Variants in FMN1 observed in about 807,000 individuals in gnomAD.
FMN1 encodes the protein formin-1.
FMN1 carries 110 observed loss-of-function variants against 132.4 expected under a neutral mutation model. That is an observed-to-expected ratio of 0.83 (90% CI 0.71 to 0.97). The LOEUF (loss-of-function observed/expected upper bound fraction) is 0.97. Ranked by LOEUF, FMN1 falls within the 50% of genes least tolerant of loss-of-function variation. The probability of loss-of-function intolerance (pLI) is 0.00; values close to 1 mark genes in which losing one functional copy is unlikely to be tolerated. For synonymous variants in FMN1, 722 were observed against 651.7 expected (o/e 1.11, Z -1.64); for missense variants, 1,792 against 1,705.3 (o/e 1.05, Z -0.90).
At chr15:33,103,972 A>G (rs2039389051) in intron 4 of FMN1, among the ~76,000 whole-genome samples, 1 of 152,114 alleles carries the variant, frequency 6.6e-6, no homozygotes, top group Non-Finnish European at 1.5e-5. Context: ...TGCAAGTCAG[A>G]AGAAAAATCA....
chr15:33,126,255 G>C (rs1316245867), intron 4 of FMN1, among the ~76,000 whole-genome samples: 8 of 152,142 alleles, frequency 5.3e-5, no homozygotes, highest in African/African-American at 1.9e-4. Context: ...GAAGATGGGT[G>C]GAAAGATCAA....
chr15:32,960,238 G>A (rs1393449391), intron 9 of FMN1, among the ~76,000 whole-genome samples: 1 of 152,180 alleles, frequency 6.6e-6, no homozygotes. Flanking sequence ...CAGCAGGAGA[G>A]AGAGGGTGGG....
intron 4 of FMN1, among the ~76,000 whole-genome samples, chr15:33,127,952 AGAAAG>A (rs1211458474): frequency 1.3e-5 from 2 of 152,144 alleles, no homozygotes; most frequent in Non-Finnish European, 2.9e-5. Flanking sequence ...ACAGGACAGG[AGAAAG>A]GAAAGAAAGG....
At chr15:32,823,477 G>A (rs956986993) in intron 17 of FMN1, among the ~76,000 whole-genome samples, 1 of 152,000 alleles carries the variant, frequency 6.6e-6, no homozygotes, top group South Asian at 2.1e-4. Context: ...AGTTTCTATC[G>A]TTATTGCCTA....
intron 3 of FMN1, among the ~76,000 whole-genome samples, chr15:33,161,463 T>C (rs146888593): frequency 5.9e-5 from 9 of 152,320 alleles, no homozygotes; most frequent in Middle Eastern, 3.4e-3. Context: ...CAGCTGCAGC[T>C]GCTTTCTCTG....
At chr15:32,836,492 T>G (rs549002769) in intron 17 of FMN1, among the ~76,000 whole-genome samples, 2 of 152,296 alleles carry the variant, frequency 1.3e-5, no homozygotes, top group Admixed American at 6.5e-5. Context: ...CAGCAACTCT[T>G]TCTCCCCTTA....
intron 5 of FMN1, among the ~76,000 whole-genome samples, chr15:33,079,705 T>G (rs1272670299): frequency 6.6e-6 from 1 of 152,254 alleles, no homozygotes; most frequent in East Asian, 1.9e-4. Context: ...TAAGAATTTG[T>G]GATCAGCAGA....
chr15:33,053,437 A>T (rs1031283211), intron 6 of FMN1, among the ~76,000 whole-genome samples: 45 of 151,944 alleles, frequency 3.0e-4, no homozygotes, highest in African/African-American at 1.0e-3. Context: ...TCATGTGCTC[A>T]CTCCCACAAG....
chr15:32,925,590 C>G (rs983645354), intron 10 of FMN1, among the ~76,000 whole-genome samples: 2 of 152,128 alleles, frequency 1.3e-5, no homozygotes, highest in Non-Finnish European at 2.9e-5. Context: ...AGAGACACGT[C>G]AAAGGCAATG....
chr15:33,058,947 T>C (rs1170212381), intron 6 of FMN1, among the ~76,000 whole-genome samples: 2 of 152,232 alleles, frequency 1.3e-5, no homozygotes, highest in Non-Finnish European at 2.9e-5. Context: ...ATACATTATT[T>C]TTTACTATAA....
At chr15:32,859,860 A>G (rs2059222978) in intron 16 of FMN1, among the ~76,000 whole-genome samples, 1 of 152,088 alleles carries the variant, frequency 6.6e-6, no homozygotes, top group Admixed American at 6.6e-5. Context: ...ACACAGTGAG[A>G]CCTTGTCTCT....
chr15:32,903,854 C>A (rs2060355298), intron 12 of FMN1, among the ~76,000 whole-genome samples: 1 of 152,146 alleles, frequency 6.6e-6, no homozygotes, highest in Admixed American at 6.5e-5. Flanking sequence ...AGGGCTTGCA[C>A]TGGAAAAGCT....
At chr15:33,083,327 C>T (rs2038560385) in intron 5 of FMN1, among the ~76,000 whole-genome samples, 1 of 152,106 alleles carries the variant, frequency 6.6e-6, no homozygotes, top group Non-Finnish European at 1.5e-5. Context: ...GTGAAAGGGG[C>T]ATCTTTTGTT....
intron 6 of FMN1, among the ~76,000 whole-genome samples, chr15:33,058,036 C>CGGGGCTGGTGGTGGAAAGGTGTGGTG (rs113942294): frequency 3.4e-5 from 5 of 146,782 alleles, no homozygotes; most frequent in African/African-American, 1.0e-4. Context: ...AAAGGCGTGG[C>CGGGGCTGGTGGTGGAAAGGTGTGGTG]GGGCTGGTGG....
intron 7 of FMN1, among the ~76,000 whole-genome samples, chr15:32,988,046 C>T (rs1555374066): frequency 7.8e-6 from 1 of 128,340 alleles, no homozygotes; most frequent in Non-Finnish European, 1.6e-5. Flanking sequence ...GCCTGTCTCT[C>T]CAGTTTTTTT....
Position 32,774,307 on chromosome 15 carries a change from ATC to A in FMN1, c.*1_*2del. On this transcript the variant is annotated 3_prime_UTR_variant, in exon 21 of 21. Coordinates refer to ENST00000616417, the MANE Select transcript of FMN1 (RefSeq NM_001277313.2). Reference sequence around the variant, plus strand: ...AGTGCCATCATTTCCATGTGTCTTCATCTTAGTTAGTGGTCACACTGGCTTCC... The same window carrying A: ...AGTGCCATCATTTCCATGTGTCTTCATTAGTTAGTGGTCACACTGGCTTCC... 6.2e-7 allele frequency: 1 copy of A among 1,602,952 alleles called. No individual in the cohort carries two copies. Among genetic ancestry groups the A allele is most frequent in the Non-Finnish European group, 8.5e-7 (1 of 1,173,818 alleles).
chr15:33,126,427 G>A (rs780552062), intron 4 of FMN1, among the ~76,000 whole-genome samples: 1 of 152,070 alleles, frequency 6.6e-6, no homozygotes, highest in African/African-American at 2.4e-5. Flanking sequence ...GAGGGTGAGA[G>A]GAGAAGGTGG....
chr15:32,951,110 A>C (rs1325076909), intron 9 of FMN1, among the ~76,000 whole-genome samples: 1 of 152,140 alleles, frequency 6.6e-6, no homozygotes, highest in Non-Finnish European at 1.5e-5. Context: ...AACCTAAAAT[A>C]ACTTCATATT....
intron 16 of FMN1, among the ~76,000 whole-genome samples, chr15:32,871,390 T>C (rs1212215729): frequency 6.6e-6 from 1 of 152,196 alleles, no homozygotes; most frequent in African/African-American, 2.4e-5. Flanking sequence ...ATTTTGATTC[T>C]TTCTATTAAC....
Sources: gnomAD v4.1 joint callset for allele counts (sites outside exome capture counted in the v4.1 genomes callset) on GRCh38, gnomAD v4.1.1 for gene constraint, MANE v1.5 for transcripts, NCBI Gene and HGNC (gene_info 2026-07-23, HGNC 2026-07-21) for gene names.